GRIP1: variants seen among roughly 807,000 people sequenced by gnomAD.
GRIP1 encodes the protein glutamate receptor-interacting protein 1.
In GRIP1, 45 loss-of-function variants were observed where a neutral mutation model predicts 129.9. That is an observed-to-expected ratio of 0.35 (90% CI 0.27 to 0.44). The LOEUF (loss-of-function observed/expected upper bound fraction) is 0.44. Among genes scored for constraint, GRIP1 ranks in the 20% least tolerant of loss-of-function variants. The probability of loss-of-function intolerance (pLI) is 1.00; values close to 1 mark genes in which losing one functional copy is unlikely to be tolerated. For missense variants in GRIP1, 1,196 were observed against 1,396.8 expected, an observed-to-expected ratio of 0.86 and a Z score of 2.29; for synonymous variants, 530 against 520.8, an observed-to-expected ratio of 1.02 and a Z score of -0.24.
intron 1 of GRIP1, among the ~76,000 whole-genome samples, chr12:66,690,682 A>G (rs1355983924): frequency 6.6e-6 from 1 of 150,808 alleles, no homozygotes; most frequent in Non-Finnish European, 1.5e-5. Flanking sequence ...CCTAAGCAAC[A>G]TAGCGAGACC....
chr12:66,977,159 A>T (rs2137601961), intron 1 of GRIP1, among the ~76,000 whole-genome samples: 1 of 151,888 alleles, frequency 6.6e-6, no homozygotes, highest in East Asian at 1.9e-4. Flanking sequence ...ATATATAAAC[A>T]TTAGCATTCC....
intron 1 of GRIP1, among the ~76,000 whole-genome samples, chr12:66,610,949 C>T (rs2064766991): frequency 6.6e-6 from 1 of 152,134 alleles, no homozygotes; most frequent in South Asian, 2.1e-4. Context: ...TGATTTTAAG[C>T]ACAGCCTGCC....
At chr12:66,802,537 TAC>T (rs1328168449) in intron 1 of GRIP1, among the ~76,000 whole-genome samples, 2 of 152,180 alleles carry the variant, frequency 1.3e-5, no homozygotes. Context: ...TTTATAAACT[TAC>T]AGAGTAATTC....
At chr12:66,409,919 C>A (rs113084886) in intron 15 of GRIP1, among the ~76,000 whole-genome samples, 1 of 152,138 alleles carries the variant, frequency 6.6e-6, no homozygotes, top group African/African-American at 2.4e-5. Flanking sequence ...TAAAAAAATG[C>A]ATCAGAGTCT....
chr12:66,597,179 A>T (rs1222737960), intron 1 of GRIP1, among the ~76,000 whole-genome samples: 1 of 152,198 alleles, frequency 6.6e-6, no homozygotes. Context: ...CAAAAGCTAT[A>T]GTGCTCGTGA....
intron 2 of GRIP1, among the ~76,000 whole-genome samples, chr12:66,584,860 A>T (rs1465950959): frequency 1.3e-5 from 2 of 151,356 alleles, no homozygotes; most frequent in Non-Finnish European, 2.9e-5. Context: ...CTTCCCCTCC[A>T]TACTCTCTGT....
chr12:66,571,280 C>A (rs2062950987), intron 2 of GRIP1, among the ~76,000 whole-genome samples: 1 of 152,180 alleles, frequency 6.6e-6, no homozygotes, highest in Non-Finnish European at 1.5e-5. Flanking sequence ...ACCTGCCAAA[C>A]CCTCACTTGG....
intron 2 of GRIP1, among the ~76,000 whole-genome samples, chr12:66,551,092 T>C (rs1487333202): frequency 4.6e-5 from 7 of 152,244 alleles, no homozygotes; most frequent in Admixed American, 1.3e-4. Context: ...TTAATTACTC[T>C]GATTTTCAAT....
intron 1 of GRIP1, among the ~76,000 whole-genome samples, chr12:66,817,243 C>CACACACAT (rs781019231): frequency 1.5e-5 from 2 of 132,200 alleles, no homozygotes; most frequent in African/African-American, 2.7e-5. Context: ...CACACACACA[C>CACACACAT]ATATATATTT....
chr12:66,541,511 T>G (rs750883749), intron 3 of GRIP1, among the ~76,000 whole-genome samples: 80 of 152,230 alleles, frequency 5.3e-4, no homozygotes, highest in Non-Finnish European at 1.1e-3. Flanking sequence ...TTGTCTGCTG[T>G]TCAGTGGCAC....
chr12:66,478,983 C>G (rs746586379), intron 7 of GRIP1, among the ~76,000 whole-genome samples: 11 of 151,206 alleles, frequency 7.3e-5, no homozygotes, highest in Non-Finnish European at 1.6e-4. Flanking sequence ...ACATATGTAA[C>G]AAACCTGCAC....
chr12:66,936,970 G>T (rs895251672), intron 1 of GRIP1, among the ~76,000 whole-genome samples: 4 of 152,130 alleles, frequency 2.6e-5, no homozygotes, highest in Non-Finnish European at 4.4e-5. Context: ...GGACTTGGTG[G>T]CTTCTGCCAT....
At chr12:66,484,209 T>C (rs1038867187) in intron 7 of GRIP1, among the ~76,000 whole-genome samples, 1 of 152,184 alleles carries the variant, frequency 6.6e-6, no homozygotes, top group East Asian at 1.9e-4. Context: ...CTGTTTTCCT[T>C]TTTAGAAATA....
At chr12:66,413,019 A>G (rs1316136808) in intron 15 of GRIP1, among the ~76,000 whole-genome samples, 2 of 152,164 alleles carry the variant, frequency 1.3e-5, no homozygotes, top group Admixed American at 6.5e-5. Flanking sequence ...GGGATATTGT[A>G]ACACCCCGCT....
At chr12:66,990,954 G>A (rs1238373740) in intron 1 of GRIP1, among the ~76,000 whole-genome samples, 2 of 148,626 alleles carry the variant, frequency 1.3e-5, no homozygotes, top group Non-Finnish European at 3.0e-5. Flanking sequence ...TCCAGCCTGG[G>A]CAACAAGAGC....
intron 1 of GRIP1, among the ~76,000 whole-genome samples, chr12:66,894,882 G>C (rs1036685365): frequency 6.6e-6 from 1 of 152,160 alleles, no homozygotes; most frequent in African/African-American, 2.4e-5. Context: ...TGTAGGACTA[G>C]AACCCTAGCC....
At chr12:66,702,309 T>C (rs1320559421) in intron 1 of GRIP1, among the ~76,000 whole-genome samples, 2 of 152,208 alleles carry the variant, frequency 1.3e-5, no homozygotes, top group African/African-American at 4.8e-5. Flanking sequence ...TTCACTGTGA[T>C]GCAATGATAT....
intron 1 of GRIP1, among the ~76,000 whole-genome samples, chr12:66,645,982 T>C (rs1214512677): frequency 1.3e-5 from 2 of 152,196 alleles, no homozygotes; most frequent in Admixed American, 6.5e-5. Flanking sequence ...TTAAAGGATA[T>C]GCTGTTCAGT....
intron 1 of GRIP1, among the ~76,000 whole-genome samples, chr12:66,924,016 T>G (rs2041255329): frequency 6.6e-6 from 1 of 152,102 alleles, no homozygotes; most frequent in African/African-American, 2.4e-5. Context: ...AGCTGATTTT[T>G]ATATTTTTAG....
Sources: allele counts gnomAD v4.1 joint callset (sites outside exome capture counted in the v4.1 genomes callset), GRCh38; gene constraint gnomAD v4.1.1; transcripts MANE v1.5; gene names NCBI Gene and HGNC (gene_info 2026-07-23, HGNC 2026-07-21).